DLG2: variants seen among roughly 807,000 people sequenced by gnomAD.
The protein encoded by DLG2 is disks large homolog 2.
DLG2 carries 45 observed loss-of-function variants against 132.5 expected under a neutral mutation model. The ratio of observed to expected loss-of-function variants is 0.34; its 90% CI spans 0.27 to 0.44. The LOEUF is 0.44. Among genes scored for constraint, DLG2 ranks in the 20% least tolerant of loss-of-function variants. The probability of loss-of-function intolerance (pLI) is 1.00; values close to 1 mark genes in which losing one functional copy is unlikely to be tolerated. For synonymous variants in DLG2, 424 were observed against 419.6 expected (o/e 1.01, Z -0.13); for missense variants, 1,045 against 1,196.9 (o/e 0.87, Z 1.87).
At chr11:85,049,120 C>T (rs1324358076) in intron 6 of DLG2, among the ~76,000 whole-genome samples, 3 of 151,964 alleles carry the variant, frequency 2.0e-5, no homozygotes, top group African/African-American at 7.2e-5. Context: ...TTTACCCTTT[C>T]AATCTGCTGC....
chr11:83,517,241 C>G (rs1344276859), intron 21 of DLG2, among the ~76,000 whole-genome samples: 4 of 152,266 alleles, frequency 2.6e-5, no homozygotes, highest in Middle Eastern at 6.8e-3. Flanking sequence ...TCTTTTTTCT[C>G]TAAACTCTGC....
intron 8 of DLG2, among the ~76,000 whole-genome samples, chr11:84,217,812 C>T (rs1008001391): frequency 6.6e-6 from 1 of 152,168 alleles, no homozygotes; most frequent in Non-Finnish European, 1.5e-5. Flanking sequence ...TGTTTTCAGT[C>T]AGACTATGGC....
chr11:84,038,599 T>C lies in DLG2; in HGVS notation c.919+20716A>G, dbSNP rs2095947379. On this transcript the variant is annotated intron_variant, in intron 11 of 27. Coordinates refer to ENST00000376104, the MANE Select transcript of DLG2 (RefSeq NM_001142699.3). ...AGAAAAACTAAATTTTCTTCCCACATAGCTTCCCTCTCTGGGGCAACTACT... is the reference window on the plus strand; with the variant it reads ...AGAAAAACTAAATTTTCTTCCCACACAGCTTCCCTCTCTGGGGCAACTACT... 2.6e-5 allele frequency among the ~76,000 whole-genome samples: 4 copies of C among 152,142 alleles called. 1 individual carries two copies. The South Asian group carries it at 8.3e-4, about 31-fold the overall frequency.
chr11:84,473,235 G>C (rs1472208058), intron 7 of DLG2, among the ~76,000 whole-genome samples: 1 of 151,996 alleles, frequency 6.6e-6, no homozygotes, highest in Non-Finnish European at 1.5e-5. Flanking sequence ...TAAGAATGTG[G>C]CTCTGGTGAA....
intron 6 of DLG2, among the ~76,000 whole-genome samples, chr11:84,774,006 CTGA>C (rs1237883964): frequency 6.6e-6 from 1 of 152,026 alleles, no homozygotes; most frequent in Non-Finnish European, 1.5e-5. Context: ...TCTCTCTTCG[CTGA>C]TGATATAATT....
intron 7 of DLG2, among the ~76,000 whole-genome samples, chr11:84,402,788 A>G (rs1373442021): frequency 6.6e-6 from 1 of 150,568 alleles, no homozygotes. Flanking sequence ...AGGCTGAGGC[A>G]GGAGAATGGC....
intron 14 of DLG2, among the ~76,000 whole-genome samples, chr11:83,937,095 G>A (rs1220079185): frequency 6.6e-6 from 1 of 152,016 alleles, no homozygotes; most frequent in Non-Finnish European, 1.5e-5. Context: ...GAACTCATAG[G>A]ATAAATATAG....
chr11:85,061,510 A>G (rs528335614), intron 6 of DLG2, among the ~76,000 whole-genome samples: 14 of 151,990 alleles, frequency 9.2e-5, no homozygotes, highest in African/African-American at 3.4e-4. Context: ...CAAGTATCAT[A>G]TAGTTTGAAG....
At chr11:84,801,097 A>G (rs1233169725) in intron 6 of DLG2, among the ~76,000 whole-genome samples, 1 of 152,162 alleles carries the variant, frequency 6.6e-6, no homozygotes, top group Non-Finnish European at 1.5e-5. Context: ...ATCTTAATTC[A>G]TCCTCCAAGT....
intron 6 of DLG2, among the ~76,000 whole-genome samples, chr11:84,771,352 G>C (rs1597728110): frequency 6.6e-6 from 1 of 152,018 alleles, no homozygotes. Flanking sequence ...GTTTTGATTT[G>C]AATTTCTGTA....
At chr11:85,609,838 G>A (rs552692504) in intron 2 of DLG2, among the ~76,000 whole-genome samples, 2 of 152,138 alleles carry the variant, frequency 1.3e-5, no homozygotes, top group African/African-American at 2.4e-5. Context: ...CTCAAGGTCC[G>A]TTACCATCCG....
At chr11:84,335,031 C>T (rs1465266757) in intron 7 of DLG2, among the ~76,000 whole-genome samples, 1 of 151,750 alleles carries the variant, frequency 6.6e-6, no homozygotes, top group Non-Finnish European at 1.5e-5. Flanking sequence ...AAATTTGCAG[C>T]CTCAAAAATA....
At chr11:85,455,655 T>C (rs1471142077) in intron 3 of DLG2, among the ~76,000 whole-genome samples, 1 of 152,170 alleles carries the variant, frequency 6.6e-6, no homozygotes, top group Non-Finnish European at 1.5e-5. Flanking sequence ...ATGTAGGCTG[T>C]GGGTTTGTCA....
chr11:84,003,436 CTG>C (rs1295025565), intron 11 of DLG2, among the ~76,000 whole-genome samples: 1 of 152,134 alleles, frequency 6.6e-6, no homozygotes, highest in African/African-American at 2.4e-5. Context: ...CTGTCTGGGA[CTG>C]AGTGATTTAT....
chr11:84,726,106 T>A (rs1281913305), intron 6 of DLG2, among the ~76,000 whole-genome samples: 1 of 151,974 alleles, frequency 6.6e-6, no homozygotes, highest in African/African-American at 2.4e-5. Context: ...ACCCTTTGTG[T>A]TCACTGTAAT....
chr11:84,291,294 TAA>T (rs2097992309), intron 7 of DLG2, among the ~76,000 whole-genome samples: 1 of 152,056 alleles, frequency 6.6e-6, no homozygotes, highest in African/African-American at 2.4e-5. Context: ...AAAACAGAAT[TAA>T]TAAGGTTAGG....
chr11:84,873,240 G>A (rs1426116585), intron 6 of DLG2, among the ~76,000 whole-genome samples: 2 of 152,140 alleles, frequency 1.3e-5, no homozygotes, highest in South Asian at 2.1e-4. Context: ...AAGATGTGAT[G>A]ACAGAAGCAG....
In DLG2 at chr11:85,084,372, G is replaced by T. The variant is rs1208267792; in HGVS notation, c.357+27289C>A. On this transcript the variant is annotated intron_variant, in intron 6 of 27. Coordinates refer to ENST00000376104, the MANE Select transcript of DLG2 (RefSeq NM_001142699.3). ...CATCTAAGAAAATATGGAAGTAGGGGCTGGTAAATGTTCTTTTCTGGTTTC... is the reference window on the plus strand; with the variant it reads ...CATCTAAGAAAATATGGAAGTAGGGTCTGGTAAATGTTCTTTTCTGGTTTC... Among the ~76,000 whole-genome samples, 4 of 152,088 alleles carry T rather than the reference G, an allele frequency of 2.6e-5. 1 individual carries two copies. In the South Asian group the frequency reaches 6.2e-4, roughly 24 times the overall value.
chr11:83,468,313 G>T (rs2091496602), intron 25 of DLG2, among the ~76,000 whole-genome samples: 1 of 152,148 alleles, frequency 6.6e-6, no homozygotes, highest in African/African-American at 2.4e-5. Context: ...TCTGTGAAGT[G>T]CAGCAGCCAC....
Sources: gnomAD v4.1 joint callset for allele counts (sites outside exome capture counted in the v4.1 genomes callset) on GRCh38, gnomAD v4.1.1 for gene constraint, MANE v1.5 for transcripts, NCBI Gene and HGNC (gene_info 2026-07-23, HGNC 2026-07-21) for gene names.